Variants in CRACDL observed in about 807,000 individuals in gnomAD.
The protein encoded by CRACDL is CRACD-like protein.
In CRACDL, 26 loss-of-function variants were observed where a neutral mutation model predicts 70.6. That is an observed-to-expected ratio of 0.37 (90% CI 0.27 to 0.51). CRACDL has a LOEUF of 0.51. CRACDL is among the 20% of genes least tolerant of loss of function. CRACDL has a pLI of 0.94. For synonymous variants in CRACDL, 618 were observed against 615.2 expected, an observed-to-expected ratio of 1.00 and a Z score of -0.07; for missense variants, 1,283 against 1,376.9, an observed-to-expected ratio of 0.93 and a Z score of 1.08.
At chr2:98,863,018 T>C (rs964369597) in intron 1 of CRACDL, among the ~76,000 whole-genome samples, 5 of 152,130 alleles carry the variant, frequency 3.3e-5, no homozygotes, top group African/African-American at 1.2e-4. Context: ...CACACACATA[T>C]GTTTATGTGT....
At chr2:98,925,074 C>G (rs986269384) in intron 1 of CRACDL, among the ~76,000 whole-genome samples, 27 of 152,200 alleles carry the variant, frequency 1.8e-4, no homozygotes, top group African/African-American at 6.5e-4. Flanking sequence ...TTTCCTTCCC[C>G]TTCTCTCCTG....
intron 7 of CRACDL, among the ~76,000 whole-genome samples, chr2:98,802,931 T>C (rs903073304): frequency 6.6e-6 from 1 of 152,132 alleles, no homozygotes; most frequent in East Asian, 1.9e-4. Flanking sequence ...CATGGTGTCC[T>C]TTCTGAAGTA....
rs553666969 is a variant in CRACDL at position 98,865,363 on chromosome 2, C to G, written c.-10-18553G>C. 3.9e-5 allele frequency among the ~76,000 whole-genome samples: 6 copies of G among 152,184 alleles called. No individual in the cohort carries two copies. In the South Asian group the frequency reaches 6.2e-4, roughly 16 times the overall value. On this transcript the variant is annotated intron_variant, in intron 1 of 9. Transcript: ENST00000397899. ...CCTCCCGCGACATACTATGGGAGAC[C>G]CTGTGCCTTTTGTTCACAAAACTTA...
chr2:98,867,869 T>A (rs1031504676), intron 1 of CRACDL, among the ~76,000 whole-genome samples: 4 of 152,242 alleles, frequency 2.6e-5, no homozygotes, highest in Non-Finnish European at 5.9e-5. Context: ...TATGCATATA[T>A]CCCCAAAATA....
intron 1 of CRACDL, among the ~76,000 whole-genome samples, chr2:98,921,024 G>A (rs1242023272): frequency 6.6e-6 from 1 of 152,206 alleles, no homozygotes; most frequent in African/African-American, 2.4e-5. Flanking sequence ...GAGTGGATGA[G>A]GGTGCATGCC....
chr2:98,830,740 C>T (rs1705505659), intron 5 of CRACDL, among the ~76,000 whole-genome samples: 1 of 152,074 alleles, frequency 6.6e-6, no homozygotes, highest in Admixed American at 6.5e-5. Context: ...TAAAGTCAGG[C>T]TGGCCCAGCC....
At chr2:98,925,393 A>G (rs1708888640) in intron 1 of CRACDL, among the ~76,000 whole-genome samples, 1 of 152,184 alleles carries the variant, frequency 6.6e-6, no homozygotes, top group Non-Finnish European at 1.5e-5. Flanking sequence ...CAAGGTGACA[A>G]GGAAAGGACC....
At chr2:98,923,184 T>A (rs1708843562) in intron 1 of CRACDL, among the ~76,000 whole-genome samples, 1 of 149,724 alleles carries the variant, frequency 6.7e-6, no homozygotes, top group Non-Finnish European at 1.5e-5. Flanking sequence ...GGCAGGAGAA[T>A]CACTTGAACC....
chr2:98,815,935 C>T (rs935474983), intron 7 of CRACDL, among the ~76,000 whole-genome samples: 5 of 152,224 alleles, frequency 3.3e-5, no homozygotes, highest in African/African-American at 9.6e-5. Context: ...ATAGAAAGAA[C>T]TCCATCCTGC....
At chr2:98,825,499 C>T (rs1019107619) in intron 6 of CRACDL, among the ~76,000 whole-genome samples, 8 of 152,240 alleles carry the variant, frequency 5.3e-5, no homozygotes, top group Admixed American at 2.0e-4. Context: ...CACCACGCTT[C>T]GCTCTGTCAC....
chr2:98,834,584 A>G (rs992981968), intron 3 of CRACDL, among the ~76,000 whole-genome samples: 2 of 152,256 alleles, frequency 1.3e-5, no homozygotes, highest in Non-Finnish European at 2.9e-5. Context: ...ATAAATAACA[A>G]ATAAATAAAA....
chr2:98,810,266 G>A (rs1357620504), intron 7 of CRACDL, among the ~76,000 whole-genome samples: 1 of 152,324 alleles, frequency 6.6e-6, no homozygotes, highest in Middle Eastern at 3.4e-3. Flanking sequence ...CGGGGCTGCA[G>A]GAGATGTTGG....
intron 2 of CRACDL, among the ~76,000 whole-genome samples, chr2:98,845,347 C>T (rs1296309904): frequency 1.3e-5 from 2 of 151,966 alleles, no homozygotes; most frequent in Non-Finnish European, 2.9e-5. Context: ...CAGGTGTGTG[C>T]CACCATGTCC....
At chr2:98,879,138 G>A (rs903398669) in intron 1 of CRACDL, among the ~76,000 whole-genome samples, 2 of 152,068 alleles carry the variant, frequency 1.3e-5, no homozygotes, top group African/African-American at 2.4e-5. Flanking sequence ...AGCTCCCTGA[G>A]GGCAGAAACC....
At chr2:98,812,743 C>G in intron 7 of CRACDL, among the ~76,000 whole-genome samples, 1 of 151,176 alleles carries the variant, frequency 6.6e-6, no homozygotes, top group East Asian at 1.9e-4. Context: ...TTAAAGAATA[C>G]TTTATATATT....
intron 1 of CRACDL, among the ~76,000 whole-genome samples, chr2:98,882,378 C>T (rs1197582836): frequency 6.6e-6 from 1 of 152,252 alleles, no homozygotes; most frequent in East Asian, 1.9e-4. Flanking sequence ...GTTCTATCCC[C>T]TGGCAAGAGT....
intron 1 of CRACDL, among the ~76,000 whole-genome samples, chr2:98,927,821 A>G (rs954806780): frequency 1.3e-5 from 2 of 152,222 alleles, no homozygotes; most frequent in African/African-American, 4.8e-5. Context: ...AAATGGATGC[A>G]AACGAAGAAT....
At chr2:98,907,985 G>A (rs1195893367) in intron 1 of CRACDL, among the ~76,000 whole-genome samples, 1 of 152,190 alleles carries the variant, frequency 6.6e-6, no homozygotes, top group African/African-American at 2.4e-5. Flanking sequence ...ATTTTGCAAG[G>A]CATCAGGAGT....
rs1205517477 is a variant in CRACDL, at chr2:98,794,647, T to C, written c.2774A>G (p.Lys925Arg). Residue 925 changes from lysine to arginine, a missense_variant, in exon 10 of 10, where the codon AAG (lysine) becomes AGG (arginine). Lys to Arg is a conservative substitution (Grantham distance 26, BLOSUM62 2). Transcript: ENST00000397899. The part of the protein sequence containing the change: ...NLAQSAVMME[K>R]ELHQLKRASY... ...GGCTCTCTTCAGCTGATGCAGTTCC[T>C]TCTCCATCATCACTGCAGACTGAGC... The C allele has an allele frequency of 1.2e-6, 2 of 1,613,646 alleles. No homozygotes were observed. The highest frequency in any genetic ancestry group is 4.5e-5 in the East Asian group (2 of 44,868).
Sources: allele counts gnomAD v4.1 joint callset (sites outside exome capture counted in the v4.1 genomes callset), GRCh38; gene constraint gnomAD v4.1.1; transcripts MANE v1.5; gene names NCBI Gene and HGNC (gene_info 2026-07-23, HGNC 2026-07-21).